The following MRPL1 variants were observed in gnomAD, a reference collection of about 807,000 sequenced individuals.
MRPL1 encodes mitochondrial ribosomal protein L1.
Under a neutral mutation model 38.0 loss-of-function variants are expected in MRPL1, and 28 were observed. The ratio of observed to expected loss-of-function variants is 0.74; its 90% confidence interval spans 0.55 to 1.01. The LOEUF (loss-of-function observed/expected upper bound fraction) is 1.01, where lower values mean the gene tolerates loss of function less well. Ranked by LOEUF, MRPL1 falls within the 50% of genes least tolerant of loss-of-function variation. The pLI, the probability that MRPL1 is intolerant of heterozygous loss-of-function variation, is 0.00. For missense variants in MRPL1, 358 were observed against 389.8 expected (o/e 0.92, Z 0.69); for synonymous variants, 123 against 126.7 (o/e 0.97, Z 0.20).
Position 77,949,827 on chromosome 4 carries a change from A to G in MRPL1, c.808A>G (p.Asn270Asp), listed in dbSNP as rs1156831161. The change falls in exon 8 of 9, where the codon AAT becomes GAT. Residue 270 changes from asparagine to aspartate, a missense_variant. Physicochemically the swap from Asn to Asp is conservative, Grantham distance 23. Coordinates refer to ENST00000315567, the MANE Select transcript of MRPL1 (RefSeq NM_020236.4). ...TATGTCAAGTGACCAGATAGCTGCC[A>G]ATCTGCAAGCAGTTATTAATGAAGT... ...LDMSSDQIAA[N>D]LQAVINEVCR... The G allele has an allele frequency of 1.2e-6, 2 of 1,611,306 alleles. No individual in the cohort carries two copies. Among genetic ancestry groups the G allele is most frequent in the African/African-American group, 2.7e-5 (2 of 74,852 alleles).
chr4:77,880,703 C>T (rs1231856789), intron 2 of MRPL1, among the ~76,000 whole-genome samples: 2 of 152,052 alleles, frequency 1.3e-5, no homozygotes, highest in Non-Finnish European at 2.9e-5. Flanking sequence ...ACCTCTAGTT[C>T]TTTTTATCTT....
chr4:77,949,293 A>C (rs17002848), intron 7 of MRPL1, among the ~76,000 whole-genome samples: 315 of 152,332 alleles, frequency 2.1e-3, no homozygotes, highest in African/African-American at 7.4e-3. Context: ...GATAATTGTT[A>C]TTGCATAGTG....
chr4:77,937,562 A>C (rs1245633027), intron 7 of MRPL1, among the ~76,000 whole-genome samples: 2 of 152,152 alleles, frequency 1.3e-5, no homozygotes, highest in African/African-American at 4.8e-5. Flanking sequence ...CATATAGCAC[A>C]TGTTCAGTCA....
intron 7 of MRPL1, among the ~76,000 whole-genome samples, chr4:77,937,943 A>G (rs1238992687): frequency 6.6e-6 from 1 of 152,198 alleles, no homozygotes; most frequent in African/African-American, 2.4e-5. Context: ...TAATAGATAC[A>G]TAGTAGGAAA....
chr4:77,892,409 C>G (rs1207176196), intron 5 of MRPL1, among the ~76,000 whole-genome samples: 1 of 152,158 alleles, frequency 6.6e-6, no homozygotes, highest in Admixed American at 6.6e-5. Flanking sequence ...GCTGAGATTA[C>G]AGGTGTGAGC....
intron 5 of MRPL1, among the ~76,000 whole-genome samples, chr4:77,892,985 T>C (rs1735838145): frequency 7.9e-6 from 1 of 126,398 alleles, no homozygotes; most frequent in South Asian, 2.5e-4. Context: ...AGGAGAGGTA[T>C]GTTATTTAAG....
intron 6 of MRPL1, among the ~76,000 whole-genome samples, chr4:77,897,469 C>G (rs1578046697): frequency 1.3e-5 from 2 of 152,142 alleles, no homozygotes; most frequent in African/African-American, 4.8e-5. Flanking sequence ...TTCTTTTATA[C>G]CATACTAAGT....
At chr4:77,891,937 C>A (rs1047965980) in intron 5 of MRPL1, among the ~76,000 whole-genome samples, 4 of 152,124 alleles carry the variant, frequency 2.6e-5, no homozygotes, top group Non-Finnish European at 4.4e-5. Context: ...TTGCAAGTTA[C>A]CCCGTGGTGT....
chr4:77,931,800 A>G (rs989314228), intron 7 of MRPL1, among the ~76,000 whole-genome samples: 3 of 152,222 alleles, frequency 2.0e-5, no homozygotes, highest in Non-Finnish European at 4.4e-5. Context: ...TGTGTCATCC[A>G]TAAACAGATG....
chr4:77,926,662 G>A (rs1345272508), intron 7 of MRPL1, among the ~76,000 whole-genome samples: 3 of 147,630 alleles, frequency 2.0e-5, no homozygotes, highest in Non-Finnish European at 4.4e-5. Context: ...AAGCTGGAGT[G>A]CAGTGGTGCG....
chr4:77,932,708 C>T (rs2110260355), intron 7 of MRPL1, among the ~76,000 whole-genome samples: 2 of 152,134 alleles, frequency 1.3e-5, no homozygotes, highest in South Asian at 4.2e-4. Context: ...ACTGATTCTA[C>T]AGCATGGTGA....
At position 77,902,146 on chromosome 4, in the gene MRPL1, T is replaced by G. The variant is rs565227652; in HGVS notation, c.671-7120T>G. ...AAGACTGTCTTAAACTGAATGATAC[T>G]GAAAACTCAACATGTCAGAACTTGT... On this transcript the variant is annotated intron_variant, in intron 6 of 8. Coordinates refer to ENST00000315567, the MANE Select transcript of MRPL1 (RefSeq NM_020236.4). 7.9e-5 allele frequency among the ~76,000 whole-genome samples: 12 copies of G among 152,338 alleles called. No homozygotes were observed. In the South Asian group the frequency reaches 2.5e-3, roughly 32 times the overall value.
chr4:77,948,641 T>C (rs1423644141), intron 7 of MRPL1, among the ~76,000 whole-genome samples: 1 of 152,230 alleles, frequency 6.6e-6, no homozygotes, highest in East Asian at 1.9e-4. Flanking sequence ...TTTATGCTTA[T>C]GCGGGGCACA....
chr4:77,878,815 G>A (rs1350892004), intron 2 of MRPL1, among the ~76,000 whole-genome samples: 1 of 152,094 alleles, frequency 6.6e-6, no homozygotes, highest in African/African-American at 2.4e-5. Flanking sequence ...GGAGGCGGAC[G>A]TTGCAGTGAG....
Position 77,864,358 on chromosome 4 carries a change from T to C in MRPL1, c.31+1479T>C, listed in dbSNP as rs1431842393. On this transcript the variant is annotated intron_variant, in intron 1 of 8. Transcript: ENST00000315567. Reference sequence around the variant, plus strand: ...TCTCCCCAGCCTCTTTACTTTGGAGTGTTCTGGAAGCCAGGGTTCCATCCT... The same window carrying C: ...TCTCCCCAGCCTCTTTACTTTGGAGCGTTCTGGAAGCCAGGGTTCCATCCT... 2.0e-5 allele frequency: 3 copies of C among 152,274 alleles called. No homozygotes were observed. The East Asian group carries it at 5.8e-4, about 29-fold the overall frequency. 9.4% of individuals were successfully genotyped at this position (152,274 alleles called of 1,614,324 possible).
At chr4:77,900,948 G>A (rs1213799631) in intron 6 of MRPL1, among the ~76,000 whole-genome samples, 1 of 151,606 alleles carries the variant, frequency 6.6e-6, no homozygotes, top group East Asian at 1.9e-4. Context: ...AGATGTTGTT[G>A]GATATTAAGA....
intron 3 of MRPL1, among the ~76,000 whole-genome samples, chr4:77,884,633 TAG>T (rs1735631663): frequency 6.6e-6 from 1 of 152,230 alleles, no homozygotes; most frequent in Admixed American, 6.5e-5. Context: ...GTTTCAAAAA[TAG>T]AGTCACTCAG....
At chr4:77,887,598 T>C (rs1019286838) in intron 5 of MRPL1, among the ~76,000 whole-genome samples, 1 of 152,114 alleles carries the variant, frequency 6.6e-6, no homozygotes, top group Non-Finnish European at 1.5e-5. Flanking sequence ...CAATTATGGC[T>C]CACTGCAGCC....
intron 7 of MRPL1, among the ~76,000 whole-genome samples, chr4:77,930,075 G>T (rs1045290740): frequency 6.6e-6 from 1 of 152,150 alleles, no homozygotes; most frequent in Non-Finnish European, 1.5e-5. Flanking sequence ...CAAACTAGTG[G>T]CAAGTTTGCC....
Sources: gnomAD v4.1 joint callset for allele counts (sites outside exome capture counted in the v4.1 genomes callset) on GRCh38, gnomAD v4.1.1 for gene constraint, MANE v1.5 for transcripts, NCBI Gene and HGNC (gene_info 2026-07-23, HGNC 2026-07-21) for gene names.